AP1S1: variants seen among roughly 807,000 people sequenced by gnomAD.
AP1S1 encodes the protein AP-1 complex subunit sigma-1A.
AP1S1 carries 13 observed loss-of-function variants against 23.9 expected under a neutral mutation model. The observed-to-expected ratio is 0.54, with a 90% CI of 0.35 to 0.86. The LOEUF (loss-of-function observed/expected upper bound fraction) is 0.86, where lower values mean the gene tolerates loss of function less well. Among genes scored for constraint, AP1S1 ranks in the 40% least tolerant of loss-of-function variants. The pLI, the probability that AP1S1 is intolerant of heterozygous loss-of-function variation, is 0.01. For synonymous variants in AP1S1, 84 were observed against 77.7 expected (o/e 1.08, Z -0.43); for missense variants, 119 against 197.6 (o/e 0.60, Z 2.38).
At chr7:101,156,090 G>A (rs987069639) in intron 1 of AP1S1, among the ~76,000 whole-genome samples, 1 of 152,086 alleles carries the variant, frequency 6.6e-6, no homozygotes, top group African/African-American at 2.4e-5. Context: ...ATATTAGCCG[G>A]GCGTGATGGC....
At chr7:101,159,020 C>T in intron 3 of AP1S1, 39 bp from the exon 4 acceptor site, 1 of 1,604,652 alleles carries the variant, frequency 6.2e-7, no homozygotes, top group South Asian at 1.1e-5. Flanking sequence ...GCTCCAGTTG[C>T]CCCTCCATGC....
Position 101,159,048 on chromosome 7 carries a change from C to G in AP1S1, c.292-11C>G. On this transcript the variant is annotated splice_polypyrimidine_tract_variant and intron_variant, in intron 3 of 4. Coordinates refer to ENST00000337619, the MANE Select transcript of AP1S1 (RefSeq NM_001283.5). ...CTCCATGCTCAACTTAGCCTCTCCC[C>G]GCCCTCCCAGGTGTGCGAGCTGGAC... 6.2e-7 allele frequency: 1 copy of G among 1,612,244 alleles called. No individual in the cohort carries two copies. The highest frequency in any genetic ancestry group is 8.5e-7 in the Non-Finnish European group (1 of 1,179,114).
rs1584205147 is a variant in AP1S1, at chr7:101,159,076, C to T, written c.309C>T (p.Ile103=). The T allele has an allele frequency of 6.2e-7, 1 of 1,613,414 alleles. No homozygotes were observed. Among genetic ancestry groups the T allele is most frequent in the East Asian group, 2.2e-5 (1 of 44,842 alleles). ...KYFGSVCELD[I]IFNFEKAYFI... ...CCTCCCAGGTGTGCGAGCTGGACAT[C>T]ATCTTCAACTTTGAGAAGGCCTACT... Residue 103 remains isoleucine, a synonymous_variant, in exon 4 of 5, where the codon ATC becomes ATT. Coordinates refer to ENST00000337619, the MANE Select transcript of AP1S1 (RefSeq NM_001283.5).
At chr7:101,154,843 G>A (rs571798959) in intron 1 of AP1S1, 5 of 840,970 alleles carry the variant, frequency 5.9e-6, no homozygotes, top group Admixed American at 3.8e-5. Flanking sequence ...CGAAGCAGAG[G>A]GTTGCGGGAG....
At chr7:101,156,183 G>T (rs1202545528) in intron 1 of AP1S1, among the ~76,000 whole-genome samples, 1 of 152,162 alleles carries the variant, frequency 6.6e-6, no homozygotes, top group Non-Finnish European at 1.5e-5. Flanking sequence ...ACTGAACAGT[G>T]ATTGCGCCAC....
chr7:101,160,710 G>T lies in AP1S1; in HGVS notation c.*144G>T. On this transcript the variant is annotated 3_prime_UTR_variant, in exon 5 of 5. Transcript: ENST00000337619. The stretch of plus-strand genomic sequence containing the variant: ...CCTTTCGGAGTGAGCTGTGGGCTCA[G>T]GCCCTTCAAACATTCCCTCCCTCCA... 1 of 976,038 alleles carries T rather than the reference G, an allele frequency of 1.0e-6. No individual in the cohort carries two copies. The highest frequency in any genetic ancestry group is 2.5e-5 in the East Asian group (1 of 40,098). 60.5% of individuals were successfully genotyped at this position (976,038 alleles called of 1,614,324 possible).
chr7:101,160,606 C>G lies in AP1S1; in HGVS notation c.*40C>G. Reference sequence around the variant, plus strand: ...GGGTGTGGCGATGGGGTCCTGGCAGCGTGGCGGGAACGGCTGCTTCTCCTC... The same window carrying G: ...GGGTGTGGCGATGGGGTCCTGGCAGGGTGGCGGGAACGGCTGCTTCTCCTC... On this transcript the variant is annotated 3_prime_UTR_variant, in exon 5 of 5. Coordinates refer to ENST00000337619, the MANE Select transcript of AP1S1 (RefSeq NM_001283.5). 5 of 1,603,482 alleles carry G rather than the reference C, an allele frequency of 3.1e-6. No homozygotes were observed. The South Asian group carries it at 3.3e-5, about 11-fold the overall frequency.
intron 1 of AP1S1, 62 bp downstream of exon 1, chr7:101,154,579 T>C: frequency 4.2e-6 from 6 of 1,443,678 alleles, no homozygotes; most frequent in South Asian, 1.2e-5. Context: ...CCTGCGGGGG[T>C]CCTCGGGGGC....
In AP1S1 at chr7:101,160,784, G is replaced by A. The variant is rs1341304239; in HGVS notation, c.*218G>A. 2 of 720,292 alleles carry A rather than the reference G, an allele frequency of 2.8e-6. No individual in the cohort carries two copies. Among genetic ancestry groups the A allele is most frequent in the Admixed American group, 4.0e-5 (2 of 50,522 alleles). The allele number at this position is 720,292 out of a possible 1,614,324, so 44.6% of individuals were successfully genotyped here. Reference sequence around the variant, plus strand: ...TTCCCACTGAAGGTTTTAGAAGCTAGGAGGCAGGAAAATGTGACCCAGATG... The same window carrying A: ...TTCCCACTGAAGGTTTTAGAAGCTAAGAGGCAGGAAAATGTGACCCAGATG... On this transcript the variant is annotated 3_prime_UTR_variant, in exon 5 of 5. Transcript: ENST00000337619.
chr7:101,155,122 T>C lies in AP1S1; in HGVS notation c.3+605T>C, dbSNP rs996160427. 19 of 801,200 alleles carry C rather than the reference T, an allele frequency of 2.4e-5. No homozygotes were observed. The African/African-American group carries it at 3.3e-4, about 14-fold the overall frequency. 49.6% of individuals were successfully genotyped at this position (801,200 alleles called of 1,614,324 possible). A position where few individuals can be genotyped will look rare whatever the true frequency, so the allele number is the denominator to read the frequency against. The stretch of plus-strand genomic sequence containing the variant: ...GCTCTCTGCCCCCCTTCCCATTCTC[T>C]TTCCGGAATCCAGGCCTTCCGTCTT... On this transcript the variant is annotated intron_variant, in intron 1 of 4. Coordinates refer to ENST00000337619, the MANE Select transcript of AP1S1 (RefSeq NM_001283.5).
At chr7:101,159,988 ACACACACACACACACACACATG>A (rs1797066680) in intron 4 of AP1S1, among the ~76,000 whole-genome samples, 1 of 149,690 alleles carries the variant, frequency 6.7e-6, no homozygotes, top group African/African-American at 2.5e-5. Flanking sequence ...CCTGGCGCGC[ACACACACACACACACACACATG>A]CCCTGGCACA....
rs1473641911 is a variant in AP1S1 at position 101,154,769 on chromosome 7, G to C, written c.3+252G>C. 8.2e-6 allele frequency: 6 copies of C among 736,096 alleles called. No homozygotes were observed. In the East Asian group the frequency reaches 1.6e-4, roughly 20 times the overall value. The allele number at this position is 736,096 out of a possible 1,614,324, so 45.6% of individuals were successfully genotyped here. ...CGAAGGGGCGGCGGGGCCGTCCCGAGCCGGGAGGGGCGCTCTGGTCTTGGC... is the reference window on the plus strand; with the variant it reads ...CGAAGGGGCGGCGGGGCCGTCCCGACCCGGGAGGGGCGCTCTGGTCTTGGC... On this transcript the variant is annotated intron_variant, in intron 1 of 4. Transcript: ENST00000337619.
intron 1 of AP1S1, chr7:101,154,785 T>C: frequency 1.3e-6 from 1 of 759,550 alleles, no homozygotes; most frequent in Non-Finnish European, 2.0e-6. Context: ...AGGGGCGCTC[T>C]GGTCTTGGCC....
At position 101,161,004 on chromosome 7, in the gene AP1S1, G is replaced by C; in HGVS notation, c.*438G>C. ...CCAGCCAGGCAGCTTCTCTGCCTGG[G>C]AGGGGAGCCTGGACCCCCCTCTTTC... On this transcript the variant is annotated 3_prime_UTR_variant, in exon 5 of 5. Coordinates refer to ENST00000337619, the MANE Select transcript of AP1S1 (RefSeq NM_001283.5). 1 of 356,888 alleles carries C rather than the reference G, an allele frequency of 2.8e-6. No individual in the cohort carries two copies. Among genetic ancestry groups the C allele is most frequent in the Non-Finnish European group, 5.5e-6 (1 of 182,718 alleles). 22.1% of individuals were successfully genotyped at this position (356,888 alleles called of 1,614,324 possible).
Position 101,157,372 on chromosome 7 carries a change from C to T in AP1S1, c.183-5C>T, listed in dbSNP as rs371572977. 3.2e-5 allele frequency: 50 copies of T among 1,560,716 alleles called. No homozygotes were observed. Among genetic ancestry groups the T allele is most frequent in the South Asian group, 2.4e-4 (20 of 84,582 alleles). ...TAGCGATGTCTCATGCGCTCCTCTCCGCAGATATGCCAGCCTCTACTTCTG... is the reference window on the plus strand; with the variant it reads ...TAGCGATGTCTCATGCGCTCCTCTCTGCAGATATGCCAGCCTCTACTTCTG... On this transcript the variant is annotated splice_region_variant and splice_polypyrimidine_tract_variant and intron_variant, in intron 2 of 4. Transcript: ENST00000337619.
intron 1 of AP1S1, 147 bp from the exon 2 acceptor site, chr7:101,156,447 C>T (rs1028009941): frequency 6.5e-6 from 6 of 922,946 alleles, no homozygotes; most frequent in East Asian, 2.7e-5. Context: ...CTGACAGACT[C>T]AGAAGCTCTG....
chr7:101,158,464 G>T (rs567612236), intron 3 of AP1S1, among the ~76,000 whole-genome samples: 1 of 152,184 alleles, frequency 6.6e-6, no homozygotes, highest in African/African-American at 2.4e-5. Flanking sequence ...GCCCCACAGT[G>T]TCCAGGAAGC....
intron 1 of AP1S1, 193 bp downstream of exon 1, chr7:101,154,710 G>T: frequency 1.6e-6 from 1 of 639,550 alleles, no homozygotes; most frequent in Non-Finnish European, 2.4e-6. Flanking sequence ...GAGGGGCGGG[G>T]AGGGGGCGCA....
At chr7:101,156,089 G>A (rs917471518) in intron 1 of AP1S1, among the ~76,000 whole-genome samples, 25 of 152,160 alleles carry the variant, frequency 1.6e-4, no homozygotes, top group African/African-American at 5.5e-4. Context: ...AATATTAGCC[G>A]GGCGTGATGG....
Sources: allele counts gnomAD v4.1 joint callset (sites outside exome capture counted in the v4.1 genomes callset), GRCh38; gene constraint gnomAD v4.1.1; transcripts MANE v1.5; gene names NCBI Gene and HGNC (gene_info 2026-07-23, HGNC 2026-07-21).